Variants in NETO2 observed in about 807,000 individuals in gnomAD.
NETO2 encodes the protein neuropilin and tolloid like 2, also known as neuropilin and tolloid-like protein 2.
NETO2 carries 28 observed loss-of-function variants against 62.5 expected under a neutral mutation model. That is an observed-to-expected ratio of 0.45 (90% CI 0.33 to 0.61). NETO2 has a LOEUF of 0.61. Ranked by LOEUF, NETO2 falls within the 20% of genes least tolerant of loss-of-function variation. NETO2 has a pLI of 0.02. For synonymous variants in NETO2, 214 were observed against 219.1 expected (o/e 0.98, Z 0.21); for missense variants, 548 against 643.2 (o/e 0.85, Z 1.60).
intron 3 of NETO2, 68 bp from the exon 4 acceptor site, chr16:47,128,641 TG>T: frequency 2.6e-6 from 4 of 1,530,604 alleles, no homozygotes; most frequent in Non-Finnish European, 3.5e-6. Flanking sequence ...TTGACACAAA[TG>T]AGAAAAGCAG....
rs137924889 is a variant in NETO2, at chr16:47,082,998, T to C, written c.*223A>G. On this transcript the variant is annotated 3_prime_UTR_variant, in exon 9 of 9. Transcript: ENST00000562435. ...GCTTCCTATAAATGACACCAAGCAA[T>C]AGAGATGATTATTGTTTCCACTGAA... is the stretch of plus-strand genomic sequence containing the variant. The C allele has an allele frequency of 7.6e-4, 350 of 461,096 alleles. 2 individuals carry two copies. The highest frequency in any genetic ancestry group is 6.6e-3 in the East Asian group (202 of 30,630). 28.6% of individuals were successfully genotyped at this position (461,096 alleles called of 1,614,324 possible).
chr16:47,083,515 G>A lies in NETO2; in HGVS notation c.1284C>T (p.Ser428=). 1 of 1,614,218 alleles carries A rather than the reference G, an allele frequency of 6.2e-7. No individual in the cohort carries two copies. The highest frequency in any genetic ancestry group is 8.5e-7 in the Non-Finnish European group (1 of 1,180,052). ...CGTGGATGCAGCGGGAGGCGGTGGAGGAGCGCCGCATCTTCTGGTAGTTGT... is the reference window on the plus strand; with the variant it reads ...CGTGGATGCAGCGGGAGGCGGTGGAAGAGCGCCGCATCTTCTGGTAGTTGT... ...ELDNYQKMRR[S]STASRCIHDH... The change falls in exon 9 of 9, where the codon TCC becomes TCT. Residue 428 remains serine (S), a synonymous_variant. Transcript: ENST00000562435.
intron 6 of NETO2, among the ~76,000 whole-genome samples, chr16:47,114,433 A>T (rs1200569403): frequency 1.6e-5 from 2 of 127,806 alleles, no homozygotes; most frequent in African/African-American, 3.2e-5. Flanking sequence ...TCCAATTTAT[A>T]AATTTCTTTT....
Position 47,082,205 on chromosome 16 carries a change from A to C in NETO2, c.*1016T>G, listed in dbSNP as rs1158047323. On this transcript the variant is annotated 3_prime_UTR_variant, in exon 9 of 9. Coordinates refer to ENST00000562435, the MANE Select transcript of NETO2 (RefSeq NM_018092.5). ...AGAAAAATGTCATGTCCCAGTTAAG[A>C]AGCAATCTCAAGGCTCATCCAATTT... The C allele has an allele frequency of 6.6e-6, 1 of 152,658 alleles. No homozygotes were observed. Among genetic ancestry groups the C allele is most frequent in the African/African-American group, 2.4e-5 (1 of 41,466 alleles). The allele number at this position is 152,658 out of a possible 1,614,324, so 9.5% of individuals were successfully genotyped here. A position where few individuals can be genotyped will look rare whatever the true frequency, so the allele number is the denominator to read the frequency against.
chr16:47,131,581 A>G (rs555235931), intron 2 of NETO2, among the ~76,000 whole-genome samples: 2 of 152,366 alleles, frequency 1.3e-5, no homozygotes, highest in South Asian at 4.1e-4. Flanking sequence ...ATCATCAAAC[A>G]TAAATCAAGA....
At chr16:47,122,634 A>T in intron 6 of NETO2, 23 bp downstream of exon 6, 1 of 1,605,352 alleles carries the variant, frequency 6.2e-7, no homozygotes, top group African/African-American at 1.3e-5. Context: ...TCTTCTCTGA[A>T]GCGACTCAAT....
intron 1 of NETO2, among the ~76,000 whole-genome samples, chr16:47,143,138 G>A (rs1964498356): frequency 6.6e-6 from 1 of 152,108 alleles, no homozygotes; most frequent in African/African-American, 2.4e-5. Flanking sequence ...ACGACGTCAC[G>A]GCCGCGGCTT....
chr16:47,134,232 T>C (rs1317741530), intron 1 of NETO2, among the ~76,000 whole-genome samples: 4 of 152,036 alleles, frequency 2.6e-5, no homozygotes. Flanking sequence ...AGTTCGTATC[T>C]TAAAATCTAA....
intron 1 of NETO2, among the ~76,000 whole-genome samples, chr16:47,135,771 A>C (rs1372850785): frequency 6.6e-6 from 1 of 152,182 alleles, no homozygotes; most frequent in Non-Finnish European, 1.5e-5. Context: ...AAAAAAGGTC[A>C]AATTTATTCT....
chr16:47,094,986 T>C (rs571847103), intron 7 of NETO2, among the ~76,000 whole-genome samples: 5 of 152,260 alleles, frequency 3.3e-5, no homozygotes, highest in Admixed American at 1.3e-4. Flanking sequence ...TGGAATTACA[T>C]GTATGAGCCG....
Position 47,143,696 on chromosome 16 carries a change from G to A in NETO2, c.-84C>T. The A allele has an allele frequency of 1.7e-6, 2 of 1,210,620 alleles. No homozygotes were observed. Among genetic ancestry groups the A allele is most frequent in the Non-Finnish European group, 1.0e-6 (1 of 973,350 alleles). The allele number at this position is 1,210,620 out of a possible 1,614,324, so 75.0% of individuals were successfully genotyped here. On this transcript the variant is annotated 5_prime_UTR_variant, in exon 1 of 9. Transcript: ENST00000562435. ...GCTCACGGCTCGGCGCGGCGGCGAC[G>A]GCCCCACTCCGTCCCCATCGCCGGC...
intron 6 of NETO2, among the ~76,000 whole-genome samples, chr16:47,121,199 G>GA (rs1964032553): frequency 6.6e-6 from 1 of 152,134 alleles, no homozygotes; most frequent in South Asian, 2.1e-4. Context: ...TAGGATACGT[G>GA]AAACACTCAA....
At chr16:47,130,664 A>G (rs932916669) in intron 2 of NETO2, among the ~76,000 whole-genome samples, 1 of 152,224 alleles carries the variant, frequency 6.6e-6, no homozygotes, top group African/African-American at 2.4e-5. Flanking sequence ...AAAACAGAAG[A>G]GATGAAAAAA....
At chr16:47,093,355 G>A (rs1963354083) in intron 7 of NETO2, among the ~76,000 whole-genome samples, 1 of 152,086 alleles carries the variant, frequency 6.6e-6, no homozygotes, top group South Asian at 2.1e-4. Flanking sequence ...CAAAGGACCT[G>A]CACTCAAAGA....
chr16:47,136,995 G>A (rs1964372840), intron 1 of NETO2, among the ~76,000 whole-genome samples: 1 of 152,152 alleles, frequency 6.6e-6, no homozygotes. Context: ...CAAAAATTCA[G>A]CCTTACAAAC....
intron 6 of NETO2, among the ~76,000 whole-genome samples, chr16:47,116,729 G>A (rs573884624): frequency 6.6e-6 from 1 of 152,192 alleles, no homozygotes; most frequent in South Asian, 2.1e-4. Flanking sequence ...ATTTGCCAGC[G>A]AACCCATCTA....
chr16:47,115,176 T>C (rs1367911298), intron 6 of NETO2, among the ~76,000 whole-genome samples: 1 of 152,238 alleles, frequency 6.6e-6, no homozygotes, highest in Non-Finnish European at 1.5e-5. Context: ...TCATGAGTCT[T>C]CCATGTTTGT....
intron 6 of NETO2, among the ~76,000 whole-genome samples, chr16:47,115,723 A>ATATATATATATATATG (rs1274234449): frequency 7.1e-6 from 1 of 140,102 alleles, no homozygotes; most frequent in African/African-American, 2.9e-5. Context: ...ACATATATAT[A>ATATATATATATATATG]TATATATACA....
intron 1 of NETO2, among the ~76,000 whole-genome samples, chr16:47,136,395 A>T (rs1964361667): frequency 6.6e-6 from 1 of 152,152 alleles, no homozygotes; most frequent in African/African-American, 2.4e-5. Flanking sequence ...AGATATATAT[A>T]TCCAAGAATT....
Sources: gnomAD v4.1 joint callset for allele counts (sites outside exome capture counted in the v4.1 genomes callset) on GRCh38, gnomAD v4.1.1 for gene constraint, MANE v1.5 for transcripts, NCBI Gene and HGNC (gene_info 2026-07-23, HGNC 2026-07-21) for gene names.